SGCD: variants seen among roughly 807,000 people sequenced by gnomAD.
The protein encoded by SGCD is sarcoglycan delta.
SGCD carries 18 observed loss-of-function variants against 36.6 expected under a neutral mutation model. The observed-to-expected ratio is 0.49, with a 90% CI of 0.34 to 0.73. The LOEUF is 0.73. SGCD is among the 30% of genes least tolerant of loss of function. SGCD has a pLI of 0.01. For synonymous variants in SGCD, 133 were observed against 130.6 expected, an observed-to-expected ratio of 1.02 and a Z score of -0.12; for missense variants, 387 against 346.7, an observed-to-expected ratio of 1.12 and a Z score of -0.92.
chr5:156,111,008 C>G (rs1467005610), intron 1 of SGCD, among the ~76,000 whole-genome samples: 1 of 151,982 alleles, frequency 6.6e-6, no homozygotes, highest in Admixed American at 6.6e-5. Context: ...ATATGTTTAG[C>G]AAATTGGATC....
At chr5:155,912,641 G>A (rs1275865812) in intron 1 of SGCD, among the ~76,000 whole-genome samples, 11 of 152,208 alleles carry the variant, frequency 7.2e-5, no homozygotes, top group East Asian at 1.9e-4. Context: ...TTGAATGTAT[G>A]TTTCCCTCAT....
chr5:156,522,549 G>A (rs1033044371), intron 4 of SGCD, among the ~76,000 whole-genome samples: 2 of 151,914 alleles, frequency 1.3e-5, no homozygotes, highest in Admixed American at 6.6e-5. Context: ...ATATGGACAC[G>A]GGGAGAGGAA....
chr5:156,230,605 G>A (rs547684264), intron 3 of SGCD, among the ~76,000 whole-genome samples: 4 of 152,076 alleles, frequency 2.6e-5, no homozygotes, highest in African/African-American at 2.4e-5. Context: ...GGAGCAGTCC[G>A]CTTCCTTCAA....
the SGCD span, among the ~76,000 whole-genome samples, chr5:155,753,866 A>T: frequency 6.6e-6 from 1 of 152,172 alleles, no homozygotes; most frequent in Non-Finnish European, 1.5e-5. Flanking sequence ...TCCTCCTCCC[A>T]AATGTGCATG....
intron 3 of SGCD, among the ~76,000 whole-genome samples, chr5:156,442,503 A>T (rs539616692): frequency 3.7e-4 from 57 of 152,358 alleles, no homozygotes; most frequent in African/African-American, 1.3e-3. Context: ...TATATACTGC[A>T]GCATGAAATT....
intron 1 of SGCD, among the ~76,000 whole-genome samples, chr5:155,941,506 T>A (rs946383995): frequency 1.8e-4 from 27 of 151,158 alleles, no homozygotes; most frequent in African/African-American, 6.1e-4. Flanking sequence ...AATATTGATA[T>A]TAAATAATTA....
At chr5:155,910,153 T>A (rs1580985694) in intron 1 of SGCD, among the ~76,000 whole-genome samples, 1 of 152,190 alleles carries the variant, frequency 6.6e-6, no homozygotes, top group East Asian at 1.9e-4. Context: ...GTAGGTGGCC[T>A]AGATCTGCCA....
At chr5:156,160,835 T>C (rs1763071102) in intron 3 of SGCD, among the ~76,000 whole-genome samples, 1 of 151,716 alleles carries the variant, frequency 6.6e-6, no homozygotes, top group Admixed American at 6.5e-5. Flanking sequence ...TCTTGCCTCT[T>C]CCCTTAATTT....
intron 3 of SGCD, among the ~76,000 whole-genome samples, chr5:156,141,389 C>T (rs182517301): frequency 7.4e-4 from 113 of 152,182 alleles, no homozygotes; most frequent in Non-Finnish European, 1.2e-3. Context: ...TCCCAGACTG[C>T]GAGAGCTGCA....
the SGCD span, among the ~76,000 whole-genome samples, chr5:155,736,045 C>A: frequency 6.6e-6 from 1 of 152,154 alleles, no homozygotes; most frequent in African/African-American, 2.4e-5. Flanking sequence ...TCTTTCTACC[C>A]CTGGGATGCT....
chr5:156,353,814 T>G (rs995712211), intron 3 of SGCD, among the ~76,000 whole-genome samples: 1 of 152,212 alleles, frequency 6.6e-6, no homozygotes, highest in African/African-American at 2.4e-5. Flanking sequence ...CAAAAATTTA[T>G]TTTTATTCCA....
At chr5:155,786,175 C>G in the SGCD span, among the ~76,000 whole-genome samples, 1 of 152,182 alleles carries the variant, frequency 6.6e-6, no homozygotes, top group African/African-American at 2.4e-5. Flanking sequence ...AGAGCTCATT[C>G]TGTTGCAAGT....
chr5:155,857,160 C>T, the SGCD span, among the ~76,000 whole-genome samples: 1 of 152,136 alleles, frequency 6.6e-6, no homozygotes, highest in Admixed American at 6.6e-5. Context: ...TTGCTTGATC[C>T]CGGGAAGCAG....
intron 3 of SGCD, among the ~76,000 whole-genome samples, chr5:156,364,134 T>G (rs1769957546): frequency 6.6e-6 from 1 of 152,114 alleles, no homozygotes; most frequent in Non-Finnish European, 1.5e-5. Flanking sequence ...CACAGATCTA[T>G]CTCTCAGAAC....
At chr5:155,957,340 C>T (rs893735879) in intron 1 of SGCD, among the ~76,000 whole-genome samples, 1 of 152,094 alleles carries the variant, frequency 6.6e-6, no homozygotes, top group Non-Finnish European at 1.5e-5. Flanking sequence ...AAGAGAGCTG[C>T]CCCCACCAAG....
the SGCD span, among the ~76,000 whole-genome samples, chr5:155,822,268 A>C: frequency 6.6e-6 from 1 of 152,204 alleles, no homozygotes; most frequent in Non-Finnish European, 1.5e-5. Flanking sequence ...AGTTTTAAAA[A>C]GGTGGCCCCT....
intron 1 of SGCD, among the ~76,000 whole-genome samples, chr5:156,115,301 T>C (rs546491240): frequency 6.6e-6 from 1 of 152,234 alleles, no homozygotes; most frequent in East Asian, 1.9e-4. Flanking sequence ...AGATGCTATA[T>C]GCCTATATCT....
At chr5:156,759,101 A>C (rs1201421082) in intron 8 of SGCD, 116 bp from the exon 9 acceptor site, 1 of 765,374 alleles carries the variant, frequency 1.3e-6, no homozygotes, top group East Asian at 2.6e-5. Context: ...TAATCAACAC[A>C]TAGTAGGTGC....
At chr5:156,094,857 TG>T (rs1561717960) in intron 1 of SGCD, among the ~76,000 whole-genome samples, 2 of 152,180 alleles carry the variant, frequency 1.3e-5, no homozygotes, top group Non-Finnish European at 2.9e-5. Flanking sequence ...AAAAATTAGC[TG>T]GGCGTGGTGG....
Sources: gnomAD v4.1 joint callset for allele counts (sites outside exome capture counted in the v4.1 genomes callset) on GRCh38, gnomAD v4.1.1 for gene constraint, MANE v1.5 for transcripts, NCBI Gene and HGNC (gene_info 2026-07-23, HGNC 2026-07-21) for gene names.